KAT6B: variants seen among roughly 807,000 people sequenced by gnomAD.
KAT6B encodes histone acetyltransferase KAT6B.
A neutral mutation model predicts 187.5 loss-of-function variants in KAT6B; 10 were observed. The observed-to-expected ratio is 0.05, with a 90% CI of 0.03 to 0.09. The LOEUF is 0.09. Ranked by LOEUF, KAT6B falls within the 10% of genes least tolerant of loss-of-function variation. The pLI, the probability that KAT6B is intolerant of heterozygous loss-of-function variation, is 1.00. For synonymous variants in KAT6B, 861 were observed against 926.8 expected (o/e 0.93, Z 1.29); for missense variants, 1,952 against 2,558.9 (o/e 0.76, Z 5.12).
At chr10:74,988,948 A>G in intron 12 of KAT6B, 71 bp from the exon 13 acceptor site, 1 of 1,017,956 alleles carries the variant, frequency 9.8e-7, no homozygotes, top group South Asian at 1.3e-5. Context: ...TTACAAGGAC[A>G]GTGGCAGGTG....
At chr10:74,852,175 C>T (rs753592271) in intron 3 of KAT6B, among the ~76,000 whole-genome samples, 3 of 152,164 alleles carry the variant, frequency 2.0e-5, no homozygotes, top group Non-Finnish European at 4.4e-5. Context: ...TGTTGACCTT[C>T]TTAGTTTTCC....
intron 16 of KAT6B, chr10:75,023,550 C>T (rs1845596028): frequency 1.3e-5 from 2 of 152,216 alleles, no homozygotes; most frequent in Admixed American, 1.3e-4. Flanking sequence ...AAAACCAGTT[C>T]TCTACCTTGG....
intron 3 of KAT6B, among the ~76,000 whole-genome samples, chr10:74,851,418 C>T (rs1186730384): frequency 1.3e-5 from 2 of 151,344 alleles, no homozygotes; most frequent in Admixed American, 1.3e-4. Flanking sequence ...ACTACAACCT[C>T]CGCCTCCCTG....
chr10:74,945,477 T>G (rs908483732), intron 3 of KAT6B, among the ~76,000 whole-genome samples: 3 of 152,208 alleles, frequency 2.0e-5, no homozygotes, highest in African/African-American at 7.2e-5. Context: ...TTTTTTCTTT[T>G]TTTTGAGACG....
intron 3 of KAT6B, among the ~76,000 whole-genome samples, chr10:74,919,051 C>G (rs191110864): frequency 2.2e-4 from 34 of 151,560 alleles, no homozygotes; most frequent in Non-Finnish European, 4.3e-4. Context: ...AACCCCATCT[C>G]TACTAAAAAT....
At chr10:74,958,226 A>G (rs1753639164) in intron 3 of KAT6B, among the ~76,000 whole-genome samples, 1 of 152,204 alleles carries the variant, frequency 6.6e-6, no homozygotes, top group Non-Finnish European at 1.5e-5. Flanking sequence ...TAACTAGCAT[A>G]TATTTCCTTC....
chr10:74,970,223 C>T (rs1022624284), intron 6 of KAT6B, 122 bp downstream of exon 6: 1 of 718,994 alleles, frequency 1.4e-6, no homozygotes, highest in African/African-American at 1.8e-5. Flanking sequence ...CCCACCTTCC[C>T]TATACTTCTG....
At chr10:74,956,404 A>G (rs1840697129) in intron 3 of KAT6B, among the ~76,000 whole-genome samples, 1 of 152,200 alleles carries the variant, frequency 6.6e-6, no homozygotes, top group African/African-American at 2.4e-5. Flanking sequence ...CATGGTAATT[A>G]ATACATAATC....
intron 3 of KAT6B, among the ~76,000 whole-genome samples, chr10:74,848,054 G>C (rs905520089): frequency 2.0e-5 from 3 of 151,824 alleles, no homozygotes; most frequent in African/African-American, 7.3e-5. Flanking sequence ...TAGTAGCTGG[G>C]ATTACAGGCG....
chr10:74,845,944 A>G (rs974330391), intron 3 of KAT6B, among the ~76,000 whole-genome samples: 5 of 150,728 alleles, frequency 3.3e-5, no homozygotes, highest in Admixed American at 2.0e-4. Flanking sequence ...GCTCACTGCA[A>G]CCTCCACCTC....
intron 13 of KAT6B, among the ~76,000 whole-genome samples, chr10:75,010,289 C>T (rs1023624847): frequency 6.6e-6 from 1 of 152,192 alleles, no homozygotes; most frequent in Non-Finnish European, 1.5e-5. Context: ...GGACAACTAG[C>T]GACAGTTTCT....
At chr10:74,962,328 G>T (rs1841156021) in intron 4 of KAT6B, among the ~76,000 whole-genome samples, 1 of 152,084 alleles carries the variant, frequency 6.6e-6, no homozygotes, top group South Asian at 2.1e-4. Flanking sequence ...GTAATTCTAA[G>T]GAAAAAAGAA....
At chr10:74,931,145 T>C (rs1848840726) in intron 3 of KAT6B, among the ~76,000 whole-genome samples, 1 of 152,116 alleles carries the variant, frequency 6.6e-6, no homozygotes, top group Non-Finnish European at 1.5e-5. Flanking sequence ...TGTGGGGAAG[T>C]AAAGAGCTCT....
intron 13 of KAT6B, among the ~76,000 whole-genome samples, chr10:74,991,364 A>C (rs762178141): frequency 1.3e-5 from 2 of 152,238 alleles, no homozygotes; most frequent in Non-Finnish European, 2.9e-5. Flanking sequence ...TAAAAGTTCA[A>C]GCTCTAAATT....
intron 13 of KAT6B, among the ~76,000 whole-genome samples, chr10:75,002,377 C>CAAA (rs56402723): frequency 7.9e-6 from 1 of 126,478 alleles, no homozygotes; most frequent in South Asian, 2.4e-4. Flanking sequence ...TGGCACTAAC[C>CAAA]AAAAAAAAAA....
At chr10:74,910,399 T>C (rs1341262312) in intron 3 of KAT6B, among the ~76,000 whole-genome samples, 1 of 152,222 alleles carries the variant, frequency 6.6e-6, no homozygotes, top group African/African-American at 2.4e-5. Context: ...TCGTGGCATT[T>C]CCTATGTTGA....
intron 3 of KAT6B, among the ~76,000 whole-genome samples, chr10:74,907,866 A>C (rs1846888566): frequency 6.6e-6 from 1 of 152,160 alleles, no homozygotes; most frequent in African/African-American, 2.4e-5. Flanking sequence ...TGCAATAGTT[A>C]TTCCTTTGAA....
intron 3 of KAT6B, among the ~76,000 whole-genome samples, chr10:74,951,959 GTC>G (rs1840348284): frequency 6.6e-6 from 1 of 152,194 alleles, no homozygotes; most frequent in African/African-American, 2.4e-5. Flanking sequence ...GCAATGAACA[GTC>G]TCTGCCATCA....
intron 3 of KAT6B, among the ~76,000 whole-genome samples, chr10:74,884,269 T>C (rs1845073614): frequency 6.6e-6 from 1 of 152,240 alleles, no homozygotes; most frequent in Admixed American, 6.5e-5. Context: ...TATGTTAAAA[T>C]TACTTTCCTT....
Sources: allele counts gnomAD v4.1 joint callset (sites outside exome capture counted in the v4.1 genomes callset), GRCh38; gene constraint gnomAD v4.1.1; transcripts MANE v1.5; gene names NCBI Gene and HGNC (gene_info 2026-07-23, HGNC 2026-07-21).